FAT3: variants seen among roughly 807,000 people sequenced by gnomAD.
The protein encoded by FAT3 is protocadherin Fat 3.
FAT3 carries 95 observed loss-of-function variants against 310.2 expected under a neutral mutation model. That is an observed-to-expected ratio of 0.31 (90% confidence interval 0.26 to 0.36). The LOEUF is 0.36. Ranked by LOEUF, FAT3 falls within the 10% of genes least tolerant of loss-of-function variation. The probability of loss-of-function intolerance (pLI) is 1.00; values close to 1 mark genes in which losing one functional copy is unlikely to be tolerated. For missense variants in FAT3, 5,408 were observed against 5,715.6 expected (o/e 0.95, Z 1.74); for synonymous variants, 2,314 against 2,192.9 (o/e 1.06, Z -1.54).
At chr11:92,686,136 T>C (rs1943629503) in intron 3 of FAT3, among the ~76,000 whole-genome samples, 2 of 152,288 alleles carry the variant, frequency 1.3e-5, no homozygotes, top group South Asian at 2.1e-4. Flanking sequence ...TTATGAGAGA[T>C]GGTACTTCCT....
chr11:92,587,932 C>T (rs1312497950), intron 3 of FAT3, among the ~76,000 whole-genome samples: 1 of 151,958 alleles, frequency 6.6e-6, no homozygotes, highest in Non-Finnish European at 1.5e-5. Flanking sequence ...GTTCATTGTT[C>T]CTTAATAGTG....
In FAT3 at chr11:92,836,573, C is replaced by T; in HGVS notation, c.10094C>T (p.Ala3365Val). 3 of 1,612,620 alleles carry T rather than the reference C, an allele frequency of 1.9e-6. No individual in the cohort carries two copies. Among genetic ancestry groups the T allele is most frequent in the Non-Finnish European group, 2.5e-6 (3 of 1,179,480 alleles). Residue 3365 changes from alanine to valine, a missense_variant, in exon 16 of 28, where the codon GCA (alanine) becomes GTA (valine). By Grantham distance (64) the Ala-to-Val change is moderately conservative (BLOSUM62 0). Transcript: ENST00000525166. ...LVGDSVILLI[A>V]EDVDSQPNGQ... is the part of the protein sequence containing the mutation. ...TGCTTGTTTTCCATGAAGCTAATAG[C>T]AGAAGATGTAGACAGCCAGCCCAAC...
At chr11:92,683,267 GT>G (rs1943539674) in intron 3 of FAT3, among the ~76,000 whole-genome samples, 2 of 152,132 alleles carry the variant, frequency 1.3e-5, no homozygotes, top group South Asian at 4.1e-4. Flanking sequence ...CACACTGAAA[GT>G]TAAGAGAGCT....
chr11:92,294,855 C>T (rs977116445), intron 1 of FAT3, among the ~76,000 whole-genome samples: 1 of 151,992 alleles, frequency 6.6e-6, no homozygotes, highest in African/African-American at 2.4e-5. Flanking sequence ...GCATGCATTC[C>T]TCTCTGTTTC....
At chr11:92,741,996 G>GT (rs1455770120) in intron 4 of FAT3, among the ~76,000 whole-genome samples, 2 of 152,184 alleles carry the variant, frequency 1.3e-5, no homozygotes, top group Non-Finnish European at 2.9e-5. Context: ...GCAAGGCCTT[G>GT]TTCCTGATGC....
At position 92,797,865 on chromosome 11, in the gene FAT3, C is replaced by A; in HGVS notation, c.4852C>A (p.Pro1618Thr). The A allele has an allele frequency of 6.2e-7, 1 of 1,612,978 alleles. No homozygotes were observed. The highest frequency in any genetic ancestry group is 8.5e-7 in the Non-Finnish European group (1 of 1,179,092). Reference sequence around the variant, plus strand: ...CACTGGGAACATGTTTAAGATCGAACCGGTCCTAGGCATCATCACCATTTG... The same window carrying A: ...CACTGGGAACATGTTTAAGATCGAAACGGTCCTAGGCATCATCACCATTTG... ...GNTGNMFKIE[P>T]VLGIITICKE... Residue 1618 changes from proline (P) to threonine (T), a missense_variant, in exon 10 of 28, where the codon CCG (proline) becomes ACG (threonine). Transcript: ENST00000525166.
intron 3 of FAT3, among the ~76,000 whole-genome samples, chr11:92,633,426 C>T (rs982749770): frequency 6.6e-6 from 1 of 151,924 alleles, no homozygotes; most frequent in Non-Finnish European, 1.5e-5. Context: ...TTTTGTTTGC[C>T]AACATCCTAA....
chr11:92,836,335 G>C lies in FAT3; in HGVS notation c.10087-231G>C, dbSNP rs572450939. ...CAGGCCTAACAGGCATCAGGCTGTGGGCAGGTAAAAAATTAACATAAAAAT... is the reference window on the plus strand; with the variant it reads ...CAGGCCTAACAGGCATCAGGCTGTGCGCAGGTAAAAAATTAACATAAAAAT... On this transcript the variant is annotated intron_variant, in intron 15 of 27. Transcript: ENST00000525166. 3.9e-5 allele frequency among the ~76,000 whole-genome samples: 6 copies of C among 152,180 alleles called. No individual in the cohort carries two copies. In the South Asian group the frequency reaches 1.2e-3, roughly 32 times the overall value.
At chr11:92,327,222 A>T (rs67293122) in intron 1 of FAT3, among the ~76,000 whole-genome samples, 2,835 of 152,292 alleles carry the variant, frequency 0.019, 35 homozygotes, top group Non-Finnish European at 0.028. Flanking sequence ...GACTGAATAG[A>T]AGATTCCCTT....
At chr11:92,550,856 A>G (rs1334564150) in intron 3 of FAT3, among the ~76,000 whole-genome samples, 1 of 148,912 alleles carries the variant, frequency 6.7e-6, no homozygotes, top group Admixed American at 6.8e-5. Flanking sequence ...TGGCATGGGT[A>G]TATTTGGGTC....
chr11:92,557,343 C>G (rs1955058278), intron 3 of FAT3, among the ~76,000 whole-genome samples: 1 of 152,132 alleles, frequency 6.6e-6, no homozygotes, highest in Admixed American at 6.5e-5. Flanking sequence ...GTGACTCCCA[C>G]TGTGCCCGGG....
intron 4 of FAT3, among the ~76,000 whole-genome samples, chr11:92,718,095 G>T (rs957259959): frequency 6.6e-6 from 1 of 152,064 alleles, no homozygotes; most frequent in African/African-American, 2.4e-5. Context: ...CAGAAGCTCA[G>T]CCCCAAGAGA....
intron 3 of FAT3, among the ~76,000 whole-genome samples, chr11:92,647,023 A>G (rs1196980993): frequency 6.6e-6 from 1 of 152,118 alleles, no homozygotes; most frequent in Non-Finnish European, 1.5e-5. Flanking sequence ...AAGAACTAGG[A>G]CAATTCCTAT....
intron 4 of FAT3, among the ~76,000 whole-genome samples, chr11:92,722,429 CA>C (rs1407751530): frequency 6.6e-6 from 1 of 152,214 alleles, no homozygotes; most frequent in Non-Finnish European, 1.5e-5. Context: ...TTGCAGGGTA[CA>C]GCCTCCCTCC....
chr11:92,639,795 TG>T (rs35113647), intron 3 of FAT3, among the ~76,000 whole-genome samples: 1 of 152,218 alleles, frequency 6.6e-6, no homozygotes, highest in Non-Finnish European at 1.5e-5. Flanking sequence ...CTTAGCATTA[TG>T]GGCTATCTGG....
intron 2 of FAT3, among the ~76,000 whole-genome samples, chr11:92,357,118 A>G (rs1018870839): frequency 6.6e-6 from 1 of 152,208 alleles, no homozygotes. Context: ...AAAGAGGGGA[A>G]CTAGCCTTTA....
rs1036774515 is a variant in FAT3 at position 92,889,340 on chromosome 11, G to A, written c.13111+92G>A. On this transcript the variant is annotated intron_variant, in intron 26 of 27. Coordinates refer to ENST00000525166, the MANE Select transcript of FAT3 (RefSeq NM_001367949.2). ...TGATTTTAATGGATTGGCCACAGAG[G>A]GGGCAATAAACAGCTGGTTTCTGAT... is the stretch of plus-strand genomic sequence containing the variant. 5 of 557,976 alleles carry A rather than the reference G, an allele frequency of 9.0e-6. No homozygotes were observed. In the South Asian group the frequency reaches 1.0e-4, roughly 12 times the overall value. The allele number at this position is 557,976 out of a possible 1,614,324, so 34.6% of individuals were successfully genotyped here.
intron 1 of FAT3, chr11:92,314,339 T>A: frequency 1.0e-6 from 1 of 955,116 alleles, no homozygotes; most frequent in Non-Finnish European, 1.2e-6. Context: ...AATACAAATT[T>A]GATAATTTTT....
chr11:92,378,991 C>T (rs10830908), intron 2 of FAT3, among the ~76,000 whole-genome samples: 11,817 of 152,132 alleles, frequency 0.078, 662 homozygotes, highest in African/African-American at 0.15. Flanking sequence ...TTGGGGGTTA[C>T]GAATTCAACA....
Sources: gnomAD v4.1 joint callset for allele counts (sites outside exome capture counted in the v4.1 genomes callset) on GRCh38, gnomAD v4.1.1 for gene constraint, MANE v1.5 for transcripts, NCBI Gene and HGNC (gene_info 2026-07-23, HGNC 2026-07-21) for gene names.